The following ZFYVE26 variants were observed in gnomAD, a reference collection of about 807,000 sequenced individuals.
ZFYVE26 encodes the protein zinc finger FYVE domain-containing protein 26.
ZFYVE26 carries 181 observed loss-of-function variants against 276.5 expected under a neutral mutation model. The observed-to-expected ratio is 0.65, with a 90% confidence interval of 0.58 to 0.74. ZFYVE26 has a LOEUF of 0.74. Among genes scored for constraint, ZFYVE26 ranks in the 30% least tolerant of loss-of-function variants. ZFYVE26 has a pLI of 0.00. For synonymous variants in ZFYVE26, 1,129 were observed against 1,203.1 expected (o/e 0.94, Z 1.27); for missense variants, 2,821 against 3,097.9 (o/e 0.91, Z 2.12).
At chr14:67,783,864 T>C (rs1234786148) in intron 20 of ZFYVE26, among the ~76,000 whole-genome samples, 1 of 152,228 alleles carries the variant, frequency 6.6e-6, no homozygotes, top group Non-Finnish European at 1.5e-5. Flanking sequence ...AAGATTGCAA[T>C]GAAATGATTT....
At chr14:67,750,655 C>T (rs1270411603) in intron 41 of ZFYVE26, 2 of 251,580 alleles carry the variant, frequency 7.9e-6, no homozygotes, top group African/African-American at 2.2e-5. Flanking sequence ...TTTTTTCTTA[C>T]TGTACCTTTT....
chr14:67,744,365 G>A (rs1594874573), downstream of ZFYVE26, among the ~76,000 whole-genome samples: 1 of 151,966 alleles, frequency 6.6e-6, no homozygotes, highest in East Asian at 1.9e-4. Flanking sequence ...AATCATTACT[G>A]TTGTTTGTTT....
At chr14:67,742,809 C>T (rs1315528464), downstream of ZFYVE26, among the ~76,000 whole-genome samples, 3,815 of 138,038 alleles carry the variant, frequency 0.028, 226 homozygotes, top group African/African-American at 0.11. Context: ...TTCTTCCCTT[C>T]CTTCCTTCCT....
rs77129887 is a variant in ZFYVE26, at chr14:67,798,329, T to A, written c.1933A>T (p.Met645Leu). ...GGCTCTGCCTTCACATGGCTTGGCA[T>A]TGTATAAGCAAGGGTCTTTGGGACT... is the stretch of plus-strand genomic sequence containing the variant. ...LGVPKTLAYT[M>L]PSHVKAEPKD... The change falls in exon 11 of 42, where the codon ATG (methionine) becomes TTG (leucine). Residue 645 changes from methionine (M) to leucine (L), a missense_variant. Coordinates refer to ENST00000347230, the MANE Select transcript of ZFYVE26 (RefSeq NM_015346.4). 3.7e-6 allele frequency: 6 copies of A among 1,613,334 alleles called. No homozygotes were observed. The highest frequency in any genetic ancestry group is 5.1e-6 in the Non-Finnish European group (6 of 1,179,686).
At chr14:67,761,004 A>G in intron 35 of ZFYVE26, 1 of 544,952 alleles carries the variant, frequency 1.8e-6, no homozygotes, top group African/African-American at 1.9e-5. Context: ...CAGGCCAGGT[A>G]GGGAGGCGCG....
intron 3 of ZFYVE26, 117 bp from the exon 4 acceptor site, chr14:67,809,406 C>CTTT: frequency 4.2e-6 from 1 of 237,770 alleles, no homozygotes. Flanking sequence ...AGATGAAGCA[C>CTTT]TCTTTTTTTT....
In ZFYVE26 at chr14:67,772,162, G is replaced by A. The variant is rs878855012; in HGVS notation, c.5369C>T (p.Pro1790Leu). ...SPSLRERSFP[P>L]TQPSQEFVPP... is the part of the protein sequence containing the mutation. ...CACAAATTCCTGTGAGGGCTGGGTT[G>A]GTGGGAAACTCCTTTCCCTTAGACT... Residue 1790 changes from proline (P) to leucine (L), a missense_variant, in exon 28 of 42, where the codon CCA becomes CTA. By Grantham distance (98) the Pro-to-Leu change is moderately conservative. Transcript: ENST00000347230. 1 of 1,613,312 alleles carries A rather than the reference G, an allele frequency of 6.2e-7. No homozygotes were observed. The highest frequency in any genetic ancestry group is 2.2e-5 in the East Asian group (1 of 44,872).
rs1449501723 is a variant in ZFYVE26 at position 67,772,058 on chromosome 14, G to T, written c.5473C>A (p.His1825Asn). The change falls in exon 28 of 42, where the codon CAC (histidine) becomes AAC (asparagine). Residue 1825 changes from histidine to asparagine, a missense_variant. Physicochemically the swap from His to Asn is moderately conservative, Grantham distance 68. Transcript: ENST00000347230. ...CCGATGCTGCTTACCATGGTGAAGT[G>T]CTCCCTGCAGCAGACCATGCAGATA... The part of the protein sequence containing the change: ...ESICMVCCRE[H>N]FTMFNRRHHC... The T allele has an allele frequency of 6.2e-7, 1 of 1,611,036 alleles. No individual in the cohort carries two copies. The highest frequency in any genetic ancestry group is 2.2e-5 in the East Asian group (1 of 44,856).
chr14:67,743,970 G>A (rs2038450985), downstream of ZFYVE26, among the ~76,000 whole-genome samples: 1 of 152,180 alleles, frequency 6.6e-6, no homozygotes, highest in African/African-American at 2.4e-5. Context: ...ACAACATGCA[G>A]AATTAGCGAG....
At chr14:67,750,681 G>T (rs929856399) in intron 41 of ZFYVE26, 1 of 333,416 alleles carries the variant, frequency 3.0e-6, no homozygotes, top group African/African-American at 2.1e-5. Context: ...CTAGGATAAA[G>T]AGATACCTGC....
At chr14:67,732,950 A>T (rs1015384842) in intron 13 of ZFYVE26, among the ~76,000 whole-genome samples, 7 of 152,088 alleles carry the variant, frequency 4.6e-5, no homozygotes, top group African/African-American at 1.4e-4. Flanking sequence ...ATAATTAGAA[A>T]AAAGGAACAT....
In ZFYVE26 at chr14:67,813,986, C is replaced by T. The variant is rs547425811; in HGVS notation, c.273G>A (p.Lys91=). Residue 91 remains lysine, a splice_region_variant and synonymous_variant, in exon 3 of 42, where the codon AAG becomes AAA. Transcript: ENST00000347230. Reference sequence around the variant, plus strand: ...GAAAATTTAATATAAACCTACTTACCTTTTCCCGGGCCAACCATTTCTCCA... The same window carrying T: ...GAAAATTTAATATAAACCTACTTACTTTTTCCCGGGCCAACCATTTCTCCA... The part of the protein sequence containing the change: ...LVLEKWLARE[K]KLLPVVFRRK... The T allele has an allele frequency of 6.2e-7, 1 of 1,612,776 alleles. No homozygotes were observed. Among genetic ancestry groups the T allele is most frequent in the Non-Finnish European group, 8.5e-7 (1 of 1,178,950 alleles).
chr14:67,803,825 TG>T (rs1419306695), intron 9 of ZFYVE26, among the ~76,000 whole-genome samples: 2 of 152,198 alleles, frequency 1.3e-5, no homozygotes, highest in Non-Finnish European at 2.9e-5. Context: ...TCTGTTTCAC[TG>T]GAATGAGGCT....
At chr14:67,806,039 T>C (rs1466066871) in intron 6 of ZFYVE26, among the ~76,000 whole-genome samples, 3 of 151,948 alleles carry the variant, frequency 2.0e-5, no homozygotes, top group Admixed American at 6.6e-5. Flanking sequence ...AACAAAAAAA[T>C]AGAAGTGGTG....
Position 67,794,256 on chromosome 14 carries a change from GAA to G in ZFYVE26, c.2333-19_2333-18del. On this transcript the variant is annotated intron_variant, in intron 12 of 41. Transcript: ENST00000347230. ...CTCGGCCATCTACAGGTATTGGGAAGAAGAGAGAAAGTCAATTATCAGCTCCT... is the reference window on the plus strand; with the variant it reads ...CTCGGCCATCTACAGGTATTGGGAAGGAGAGAAAGTCAATTATCAGCTCCT... The G allele has an allele frequency of 6.2e-7, 1 of 1,613,186 alleles. No homozygotes were observed. The highest frequency in any genetic ancestry group is 8.5e-7 in the Non-Finnish European group (1 of 1,179,080).
At chr14:67,764,441 G>A (rs1163545847) in intron 32 of ZFYVE26, among the ~76,000 whole-genome samples, 1 of 152,094 alleles carries the variant, frequency 6.6e-6, no homozygotes, top group Non-Finnish European at 1.5e-5. Flanking sequence ...GGCTGGTCTC[G>A]AACTCCTGGC....
intron 5 of ZFYVE26, among the ~76,000 whole-genome samples, chr14:67,807,000 G>A (rs1342570446): frequency 2.0e-5 from 3 of 152,114 alleles, no homozygotes; most frequent in South Asian, 2.1e-4. Flanking sequence ...GTGCAAACAC[G>A]GTTCACTGCA....
Position 67,753,707 on chromosome 14 carries a change from C to A in ZFYVE26, c.7188G>T (p.Gln2396His). The A allele has an allele frequency of 6.2e-7, 1 of 1,613,414 alleles. No homozygotes were observed. Among genetic ancestry groups the A allele is most frequent in the East Asian group, 2.2e-5 (1 of 44,874 alleles). ...ATGATTTGAATGATCCAAGTCATAC[C>A]TGCAGAACACGGAAAGCAATTCCAA... Reference protein sequence around the residue: ...DGFGIAFRVLQDFQLDAAMTY... With the variant: ...DGFGIAFRVLHDFQLDAAMTY... Residue 2396 changes from glutamine (Q) to histidine (H), a missense_variant and splice_region_variant, in exon 39 of 42, where the codon CAG becomes CAT. Physicochemically the swap from Gln to His is conservative, Grantham distance 24 (BLOSUM62 0). Transcript: ENST00000347230.
chr14:67,731,306 C>CTGGGTT (rs1230370932), intron 13 of ZFYVE26, among the ~76,000 whole-genome samples: 1 of 148,290 alleles, frequency 6.7e-6, no homozygotes, highest in African/African-American at 2.5e-5. Flanking sequence ...CCTCCACCTC[C>CTGGGTT]TGGGTTCAAG....
Sources: gnomAD v4.1 joint callset for allele counts (sites outside exome capture counted in the v4.1 genomes callset) on GRCh38, gnomAD v4.1.1 for gene constraint, MANE v1.5 for transcripts, NCBI Gene and HGNC (gene_info 2026-07-23, HGNC 2026-07-21) for gene names.